Variants in ZNF215 observed in about 807,000 individuals in gnomAD.
ZNF215 encodes the protein zinc finger protein 215, also known as BWSCR2-associated zinc finger protein 2.
A neutral mutation model predicts 27.2 loss-of-function variants in ZNF215; 24 were observed. The observed-to-expected ratio is 0.88, with a 90% CI of 0.64 to 1.24. The LOEUF is 1.24. ZNF215 is among the 50% of genes most tolerant of loss of function. The pLI is 0.00. For missense variants in ZNF215, 675 were observed against 605.7 expected (o/e 1.11, Z -1.20); for synonymous variants, 210 against 204.0 (o/e 1.03, Z -0.25).
chr11:6,948,969 A>T (rs1024711206), intron 6 of ZNF215, among the ~76,000 whole-genome samples: 1 of 142,152 alleles, frequency 7.0e-6, no homozygotes, highest in African/African-American at 2.6e-5. Flanking sequence ...TCATTGTTCA[A>T]TTCCCACCTA....
downstream of ZNF215, among the ~76,000 whole-genome samples, chr11:6,991,577 C>T (rs2133367114): frequency 6.6e-6 from 1 of 152,336 alleles, no homozygotes; most frequent in African/African-American, 2.4e-5. Flanking sequence ...AGAGCTCAGG[C>T]TAAGCCTTCC....
downstream of ZNF215, among the ~76,000 whole-genome samples, chr11:6,959,273 T>C (rs1017537380): frequency 6.6e-6 from 1 of 152,094 alleles, no homozygotes; most frequent in Non-Finnish European, 1.5e-5. Context: ...GAAACATAAG[T>C]TCATCTACTA....
At chr11:6,951,058 C>A (rs200679409) in intron 6 of ZNF215, among the ~76,000 whole-genome samples, 26,694 of 151,808 alleles carry the variant, frequency 0.18, 2,523 homozygotes, top group Middle Eastern at 0.23. Context: ...TATATTGAAC[C>A]AGCCTTGCAT....
chr11:6,943,009 C>A (rs1849682028), intron 4 of ZNF215, 74 bp from the exon 5 acceptor site: 5 of 1,559,680 alleles, frequency 3.2e-6, no homozygotes, highest in Non-Finnish European at 4.3e-6. Flanking sequence ...TACCCTATTC[C>A]TTCAAATCCA....
At chr11:6,945,441 T>C (rs985524851) in intron 6 of ZNF215, among the ~76,000 whole-genome samples, 1 of 152,210 alleles carries the variant, frequency 6.6e-6, no homozygotes, top group Non-Finnish European at 1.5e-5. Flanking sequence ...CAAAGTACTT[T>C]ATGCTTGTTT....
intron 5 of ZNF215, among the ~76,000 whole-genome samples, chr11:6,978,321 G>C (rs550690075): frequency 6.6e-6 from 1 of 152,014 alleles, no homozygotes; most frequent in Non-Finnish European, 1.5e-5. Context: ...ATAATCTATG[G>C]TTTCATTTAT....
In ZNF215 at chr11:6,956,671, A is replaced by G. The variant is rs1028018847; in HGVS notation, c.*140A>G. The stretch of plus-strand genomic sequence containing the variant: ...TTCTTTAAATGATATCACAGAATTA[A>G]TGTTGGATAGAAATATCATTGGATA... On this transcript the variant is annotated 3_prime_UTR_variant, in exon 7 of 7. Coordinates refer to ENST00000278319, the MANE Select transcript of ZNF215 (RefSeq NM_013250.4). 5 of 1,397,136 alleles carry G rather than the reference A, an allele frequency of 3.6e-6. No individual in the cohort carries two copies. Among genetic ancestry groups the G allele is most frequent in the East Asian group, 2.6e-5 (1 of 38,430 alleles). The allele number at this position is 1,397,136 out of a possible 1,614,324, so 86.5% of individuals were successfully genotyped here.
chr11:6,967,273 A>G (rs12417277), intron 5 of ZNF215, among the ~76,000 whole-genome samples: 34,073 of 151,966 alleles, frequency 0.22, 3,918 homozygotes, highest in Non-Finnish European at 0.25. Flanking sequence ...ATAAACATAC[A>G]TGTATGTGTG....
chr11:6,955,337 T>C lies in ZNF215; in HGVS notation c.713-353T>C, dbSNP rs563442893. On this transcript the variant is annotated intron_variant, in intron 6 of 6. Transcript: ENST00000278319. ...GGTAAACAGCTTGGGATAAACAAGA[T>C]GCTAGAAGAAGGAATATTAGGCAGA... 5.9e-5 allele frequency among the ~76,000 whole-genome samples: 9 copies of C among 152,296 alleles called. No individual in the cohort carries two copies. In the East Asian group the frequency reaches 1.7e-3, roughly 29 times the overall value.
downstream of ZNF215, among the ~76,000 whole-genome samples, chr11:6,986,402 A>C (rs1290766432): frequency 6.6e-6 from 1 of 152,120 alleles, no homozygotes; most frequent in African/African-American, 2.4e-5. Context: ...AGACTGAAAT[A>C]TAAAGCCTCA....
At chr11:6,940,855 A>G (rs1241803890) in intron 3 of ZNF215, among the ~76,000 whole-genome samples, 1 of 152,138 alleles carries the variant, frequency 6.6e-6, no homozygotes, top group East Asian at 1.9e-4. Flanking sequence ...ATCAAAAGAA[A>G]GTCCCTTATA....
At chr11:6,937,079 G>A (rs1849461069) in intron 3 of ZNF215, among the ~76,000 whole-genome samples, 1 of 151,940 alleles carries the variant, frequency 6.6e-6, no homozygotes, top group South Asian at 2.1e-4. Flanking sequence ...GTTCTAGCTA[G>A]TGCAATTAGG....
At chr11:6,938,864 TTAAAA>T (rs1443349266) in intron 3 of ZNF215, among the ~76,000 whole-genome samples, 1 of 152,184 alleles carries the variant, frequency 6.6e-6, no homozygotes, top group Non-Finnish European at 1.5e-5. Context: ...ATTGTATTCT[TTAAAA>T]TAGCTAATAT....
At chr11:6,939,286 A>G (rs1849551269) in intron 3 of ZNF215, among the ~76,000 whole-genome samples, 1 of 152,192 alleles carries the variant, frequency 6.6e-6, no homozygotes, top group Non-Finnish European at 1.5e-5. Flanking sequence ...GTGAAAAGCA[A>G]CAATGTGAAG....
intron 5 of ZNF215, among the ~76,000 whole-genome samples, chr11:6,973,146 G>C (rs146116042): frequency 0.025 from 3,736 of 152,162 alleles, 75 homozygotes; most frequent in Non-Finnish European, 0.037. Flanking sequence ...AACATGCAGT[G>C]TTTGGTTTTC....
intron 2 of ZNF215, among the ~76,000 whole-genome samples, chr11:6,928,915 G>A (rs552027814): frequency 1.3e-5 from 2 of 152,200 alleles, no homozygotes; most frequent in East Asian, 1.9e-4. Flanking sequence ...CAGTTGTGGC[G>A]GGTTTTCAGT....
chr11:6,961,278 T>G (rs1850512556), downstream of ZNF215, among the ~76,000 whole-genome samples: 1 of 152,066 alleles, frequency 6.6e-6, no homozygotes, highest in South Asian at 2.1e-4. Flanking sequence ...AGGGTTATAT[T>G]CAGATCTAAG....
intron 2 of ZNF215, among the ~76,000 whole-genome samples, chr11:6,929,283 C>A (rs1305565980): frequency 3.3e-5 from 5 of 152,298 alleles, no homozygotes; most frequent in African/African-American, 9.6e-5. Context: ...GAAGACAGTA[C>A]AACAGAGTGT....
chr11:6,936,320 T>A (rs1849433096), intron 3 of ZNF215, among the ~76,000 whole-genome samples: 1 of 151,996 alleles, frequency 6.6e-6, no homozygotes, highest in African/African-American at 2.4e-5. Context: ...TACTACTGAC[T>A]TTGCATAAAA....
Sources: allele counts gnomAD v4.1 joint callset (sites outside exome capture counted in the v4.1 genomes callset), GRCh38; gene constraint gnomAD v4.1.1; transcripts MANE v1.5; gene names NCBI Gene and HGNC (gene_info 2026-07-23, HGNC 2026-07-21).